FHIT: variants seen among roughly 807,000 people sequenced by gnomAD.
FHIT encodes the protein bis(5'-adenosyl)-triphosphatase.
Under a neutral mutation model 17.9 loss-of-function variants are expected in FHIT, and 19 were observed. The ratio of observed to expected loss-of-function variants is 1.06; its 90% CI spans 0.74 to 1.56. FHIT has a LOEUF of 1.56. Among genes scored for constraint, FHIT ranks in the 40% most tolerant of loss-of-function variants. FHIT has a pLI of 0.00. For synonymous variants in FHIT, 81 were observed against 69.7 expected (o/e 1.16, Z -0.81); for missense variants, 248 against 189.2 (o/e 1.31, Z -1.82).
chr3:60,061,994 A>C (rs1264636644), intron 5 of FHIT, among the ~76,000 whole-genome samples: 1 of 152,156 alleles, frequency 6.6e-6, no homozygotes, highest in Non-Finnish European at 1.5e-5. Context: ...AAATGAAGAT[A>C]CGTCTCATGT....
intron 3 of FHIT, among the ~76,000 whole-genome samples, chr3:61,003,697 G>C (rs2031252637): frequency 1.3e-5 from 2 of 152,090 alleles, no homozygotes; most frequent in African/African-American, 4.8e-5. Flanking sequence ...AATTTTAATA[G>C]GTAAAAAAGT....
At chr3:59,997,695 T>C (rs1404990410) in intron 7 of FHIT, among the ~76,000 whole-genome samples, 1 of 152,166 alleles carries the variant, frequency 6.6e-6, no homozygotes, top group African/African-American at 2.4e-5. Flanking sequence ...AATTACATGC[T>C]TACTCTAGTA....
chr3:60,821,310 A>G lies in FHIT; in HGVS notation c.-18+609T>C, dbSNP rs115632810. Among the ~76,000 whole-genome samples the G allele has an allele frequency of 3.2e-3, 484 of 152,240 alleles. 2 individuals are homozygous for G. Among genetic ancestry groups the G allele is most frequent in the Non-Finnish European group, 5.1e-3 (345 of 68,020 alleles). On this transcript the variant is annotated intron_variant, in intron 4 of 9. Transcript: ENST00000492590. ...TCAACATATCCGGTGAAATCATTCA[A>G]AGATGCATACAGATAAGTGATTATT... is the stretch of plus-strand genomic sequence containing the variant.
chr3:60,762,322 T>C (rs1257623613), intron 4 of FHIT, among the ~76,000 whole-genome samples: 3 of 152,206 alleles, frequency 2.0e-5, no homozygotes, highest in Admixed American at 6.5e-5. Context: ...AAGAATTTGA[T>C]AGGCAGGGCT....
At chr3:60,347,675 TGGG>T (rs33987270) in intron 5 of FHIT, among the ~76,000 whole-genome samples, 6 of 27,726 alleles carry the variant, frequency 2.2e-4, no homozygotes, top group Admixed American at 6.8e-4. Context: ...ACCACTGGTT[TGGG>T]GGGGGGGGGG....
intron 5 of FHIT, among the ~76,000 whole-genome samples, chr3:60,397,256 C>T (rs1046630531): frequency 2.6e-5 from 4 of 152,144 alleles, no homozygotes; most frequent in African/African-American, 7.2e-5. Flanking sequence ...GACCAAAAGA[C>T]ACAAAGTCAG....
At chr3:59,851,411 C>T (rs1701929639) in intron 8 of FHIT, among the ~76,000 whole-genome samples, 1 of 152,182 alleles carries the variant, frequency 6.6e-6, no homozygotes, top group Admixed American at 6.5e-5. Context: ...ATCCTTACAA[C>T]TCCCATGCAA....
chr3:60,962,878 G>A (rs1475066672), intron 3 of FHIT, among the ~76,000 whole-genome samples: 1 of 152,160 alleles, frequency 6.6e-6, no homozygotes, highest in Non-Finnish European at 1.5e-5. Context: ...AGGGATATTG[G>A]TCTAAAATTC....
intron 7 of FHIT, among the ~76,000 whole-genome samples, chr3:59,977,850 A>G (rs1708482393): frequency 6.6e-6 from 1 of 152,194 alleles, no homozygotes; most frequent in Admixed American, 6.5e-5. Context: ...ATTAAATGAT[A>G]GACACATTAA....
intron 4 of FHIT, among the ~76,000 whole-genome samples, chr3:60,741,184 T>G (rs2042232838): frequency 6.6e-6 from 1 of 152,144 alleles, no homozygotes; most frequent in East Asian, 1.9e-4. Context: ...CATTCTGGGG[T>G]GGGAGGAAAA....
chr3:60,154,971 G>C (rs1700617494), intron 5 of FHIT, among the ~76,000 whole-genome samples: 1 of 152,076 alleles, frequency 6.6e-6, no homozygotes, highest in Non-Finnish European at 1.5e-5. Context: ...AGGCCAAGGT[G>C]AGAGGATCAC....
intron 2 of FHIT, among the ~76,000 whole-genome samples, chr3:61,190,079 C>A (rs1264572647): frequency 6.6e-6 from 1 of 151,958 alleles, no homozygotes; most frequent in African/African-American, 2.4e-5. Flanking sequence ...ACAAAATTGA[C>A]AAATGGGATC....
intron 5 of FHIT, among the ~76,000 whole-genome samples, chr3:60,131,592 C>G (rs1254089513): frequency 6.6e-6 from 1 of 152,120 alleles, no homozygotes; most frequent in Non-Finnish European, 1.5e-5. Flanking sequence ...CCTTTCCCCC[C>G]AGTTCTCCCT....
rs186207814 is a variant in FHIT, at chr3:60,442,665, G to C, written c.103+94195C>G. Among the ~76,000 whole-genome samples the C allele has an allele frequency of 3.1e-4, 47 of 152,224 alleles. No homozygotes were observed. In the East Asian group the frequency reaches 8.9e-3, roughly 29 times the overall value. Reference sequence around the variant, plus strand: ...TTTGGTAACAGTACCATGCTGTTTTGGTTACTGTAGCCTTGTAGTATAGTT... The same window carrying C: ...TTTGGTAACAGTACCATGCTGTTTTCGTTACTGTAGCCTTGTAGTATAGTT... On this transcript the variant is annotated intron_variant, in intron 5 of 9. Coordinates refer to ENST00000492590, the MANE Select transcript of FHIT (RefSeq NM_002012.4).
intron 4 of FHIT, among the ~76,000 whole-genome samples, chr3:60,568,087 C>T (rs184506127): frequency 1.3e-5 from 2 of 152,248 alleles, no homozygotes; most frequent in East Asian, 1.9e-4. Context: ...TGCCATTTGG[C>T]CCAGCAATCC....
intron 8 of FHIT, among the ~76,000 whole-genome samples, chr3:59,769,890 ATC>A (rs1701991771): frequency 6.6e-6 from 1 of 152,208 alleles, no homozygotes; most frequent in African/African-American, 2.4e-5. Context: ...ACACACACAA[ATC>A]TGTTTTTACT....
At position 59,840,518 on chromosome 3, in the gene FHIT, C is replaced by A. The variant is rs114466843; in HGVS notation, c.348+81828G>T. Among the ~76,000 whole-genome samples, 197 of 152,264 alleles carry A rather than the reference C, an allele frequency of 1.3e-3. 1 individual carries two copies. The highest frequency in any genetic ancestry group is 4.6e-3 in the African/African-American group (193 of 41,562). ...TTGTAAAGGCACAGCTGACACCAGTCCCTTCTGTAGGAGATTTCTTCTCCT... is the reference window on the plus strand; with the variant it reads ...TTGTAAAGGCACAGCTGACACCAGTACCTTCTGTAGGAGATTTCTTCTCCT... On this transcript the variant is annotated intron_variant, in intron 8 of 9. Coordinates refer to ENST00000492590, the MANE Select transcript of FHIT (RefSeq NM_002012.4).
intron 5 of FHIT, among the ~76,000 whole-genome samples, chr3:60,239,464 C>T (rs796577249): frequency 6.6e-6 from 1 of 152,136 alleles, no homozygotes; most frequent in African/African-American, 2.4e-5. Context: ...ACTCAGGGGG[C>T]TAAGGCAGGA....
intron 3 of FHIT, among the ~76,000 whole-genome samples, chr3:60,914,485 A>C (rs1706904514): frequency 6.6e-6 from 1 of 151,804 alleles, no homozygotes; most frequent in African/African-American, 2.4e-5. Context: ...AGTGAGTAAG[A>C]CTTGCATAGG....
Sources: allele counts gnomAD v4.1 joint callset (sites outside exome capture counted in the v4.1 genomes callset), GRCh38; gene constraint gnomAD v4.1.1; transcripts MANE v1.5; gene names NCBI Gene and HGNC (gene_info 2026-07-23, HGNC 2026-07-21).